LRBA: variants seen among roughly 807,000 people sequenced by gnomAD.
LRBA encodes LPS responsive beige-like anchor protein.
A neutral mutation model predicts 330.0 loss-of-function variants in LRBA; 176 were observed. The ratio of observed to expected loss-of-function variants is 0.53; its 90% CI spans 0.47 to 0.60. LRBA has a LOEUF of 0.60. Ranked by LOEUF, LRBA falls within the 20% of genes least tolerant of loss-of-function variation. LRBA has a pLI of 0.00. For missense variants in LRBA, 3,259 were observed against 3,444.8 expected (o/e 0.95, Z 1.35); for synonymous variants, 1,230 against 1,193.0 (o/e 1.03, Z -0.64).
Position 150,312,195 on chromosome 4 carries a change from G to A in LRBA, c.7694-1811C>T, listed in dbSNP as rs552032976. Among the ~76,000 whole-genome samples the A allele has an allele frequency of 5.9e-5, 9 of 152,146 alleles. No homozygotes were observed. The East Asian group carries it at 1.7e-3, about 29-fold the overall frequency. ...CTTGATGCCCCCTCAGCACACACAT[G>A]AACTATTTTCTAAGCAAGTGCTTAC... On this transcript the variant is annotated intron_variant, in intron 51 of 56. Coordinates refer to ENST00000651943, the MANE Select transcript of LRBA (RefSeq NM_001364905.1).
rs1280884491 is a variant in LRBA at position 150,693,820 on chromosome 4, G to GT, written c.5755-10104dup. ...TAAAGTTAGGTTTTCAGAGTAATAA[G>GT]TTTTTTAAGAAATAGGTTATAAAAA... On this transcript the variant is annotated intron_variant, in intron 36 of 56. Coordinates refer to ENST00000651943, the MANE Select transcript of LRBA (RefSeq NM_001364905.1). 3.3e-5 allele frequency among the ~76,000 whole-genome samples: 5 copies of GT among 152,110 alleles called. No homozygotes were observed. The East Asian group carries it at 5.8e-4, about 18-fold the overall frequency.
chr4:150,324,423 T>C (rs762782001), intron 49 of LRBA, among the ~76,000 whole-genome samples: 2 of 152,182 alleles, frequency 1.3e-5, no homozygotes, highest in African/African-American at 2.4e-5. Context: ...CTAAATCTGA[T>C]TTTACTGATT....
At chr4:150,836,230 G>A (rs545291544) in intron 28 of LRBA, among the ~76,000 whole-genome samples, 11 of 152,190 alleles carry the variant, frequency 7.2e-5, no homozygotes, top group South Asian at 4.1e-4. Context: ...TTTTTGCATC[G>A]ATGTTCATCA....
At chr4:150,964,338 T>C (rs993110561) in intron 2 of LRBA, among the ~76,000 whole-genome samples, 2 of 149,612 alleles carry the variant, frequency 1.3e-5, no homozygotes, top group African/African-American at 5.1e-5. Context: ...CAACAGCTCA[T>C]TGAGAACGGG....
intron 53 of LRBA, among the ~76,000 whole-genome samples, chr4:150,287,521 T>A (rs977053790): frequency 3.3e-5 from 5 of 152,212 alleles, no homozygotes; most frequent in Non-Finnish European, 5.9e-5. Context: ...AGCAGTCACT[T>A]CAGGTCTAGC....
intron 40 of LRBA, among the ~76,000 whole-genome samples, chr4:150,522,091 AG>A (rs1189013949): frequency 6.6e-6 from 1 of 152,178 alleles, no homozygotes; most frequent in Non-Finnish European, 1.5e-5. Context: ...ATAATTCTGG[AG>A]GACAGAAATA....
At chr4:150,423,363 C>T (rs1749095108) in intron 46 of LRBA, 3 of 669,338 alleles carry the variant, frequency 4.5e-6, no homozygotes, top group Non-Finnish European at 5.3e-6. Flanking sequence ...GGGTCTTCTG[C>T]CCACTTGCTC....
At chr4:150,555,603 T>C (rs1028923243) in intron 40 of LRBA, among the ~76,000 whole-genome samples, 3 of 151,576 alleles carry the variant, frequency 2.0e-5, no homozygotes, top group Non-Finnish European at 2.9e-5. Context: ...ACAAAAAAAT[T>C]AGCTGGGCAT....
At chr4:150,299,465 G>C (rs2126833832) in intron 53 of LRBA, among the ~76,000 whole-genome samples, 1 of 152,108 alleles carries the variant, frequency 6.6e-6, no homozygotes, top group East Asian at 1.9e-4. Context: ...CCAAATTACA[G>C]TATTTATAGG....
At chr4:150,497,000 A>G (rs926722745) in intron 40 of LRBA, among the ~76,000 whole-genome samples, 5 of 151,948 alleles carry the variant, frequency 3.3e-5, no homozygotes, top group African/African-American at 1.2e-4. Flanking sequence ...TTTAATATGG[A>G]AAAACTAATT....
At chr4:150,582,164 G>C (rs1294441824) in intron 40 of LRBA, 9 of 152,042 alleles carry the variant, frequency 5.9e-5, no homozygotes, top group Admixed American at 5.9e-4. Context: ...TGCAACGCAA[G>C]CAACGACTTC....
At chr4:150,487,871 TAA>T (rs1424219922) in intron 41 of LRBA, 37 bp from the exon 42 acceptor site, 1 of 1,175,932 alleles carries the variant, frequency 8.5e-7, no homozygotes. Flanking sequence ...GAACACAGTA[TAA>T]CTTCCTTTCT....
At chr4:150,393,642 A>C (rs932876241) in intron 47 of LRBA, among the ~76,000 whole-genome samples, 1 of 151,934 alleles carries the variant, frequency 6.6e-6, no homozygotes, top group African/African-American at 2.4e-5. Context: ...GCATCACTAC[A>C]CTTGGCTAAT....
intron 40 of LRBA, among the ~76,000 whole-genome samples, chr4:150,548,102 C>G (rs1201483339): frequency 6.6e-6 from 1 of 152,086 alleles, no homozygotes; most frequent in Non-Finnish European, 1.5e-5. Context: ...ATTTGTGCAG[C>G]CTTAAAGCAG....
At chr4:150,772,772 G>A (rs1013913820) in intron 34 of LRBA, among the ~76,000 whole-genome samples, 1 of 152,114 alleles carries the variant, frequency 6.6e-6, no homozygotes, top group African/African-American at 2.4e-5. Context: ...AGATCTCCTG[G>A]AGCCTATGGC....
chr4:150,414,935 G>A (rs1010511903), intron 47 of LRBA, among the ~76,000 whole-genome samples: 1 of 152,152 alleles, frequency 6.6e-6, no homozygotes, highest in Non-Finnish European at 1.5e-5. Context: ...ATCCACTAAA[G>A]AGGATACTAA....
At chr4:150,790,272 G>C (rs140920939) in intron 34 of LRBA, among the ~76,000 whole-genome samples, 49 of 152,266 alleles carry the variant, frequency 3.2e-4, no homozygotes, top group African/African-American at 1.1e-3. Flanking sequence ...TTACCTCAAA[G>C]GTTGTGTTTT....
At chr4:150,658,958 A>C (rs1780647663) in intron 37 of LRBA, among the ~76,000 whole-genome samples, 1 of 74,636 alleles carries the variant, frequency 1.3e-5, no homozygotes, top group South Asian at 5.1e-4. Flanking sequence ...ACCGCGAGTG[A>C]TCCGCCAACC....
chr4:150,955,854 T>C (rs1386459031), intron 2 of LRBA, among the ~76,000 whole-genome samples: 1 of 148,564 alleles, frequency 6.7e-6, no homozygotes, highest in African/African-American at 2.6e-5. Context: ...ATTGTGCCAC[T>C]GCACTCCAGC....
Sources: allele counts gnomAD v4.1 joint callset (sites outside exome capture counted in the v4.1 genomes callset), GRCh38; gene constraint gnomAD v4.1.1; transcripts MANE v1.5; gene names NCBI Gene and HGNC (gene_info 2026-07-23, HGNC 2026-07-21).